The following SYT13 variants were observed in gnomAD, a reference collection of about 807,000 sequenced individuals.
The protein encoded by SYT13 is synaptotagmin-13.
A neutral mutation model predicts 38.6 loss-of-function variants in SYT13; 21 were observed. That is an observed-to-expected ratio of 0.54 (90% confidence interval 0.39 to 0.78). The LOEUF is 0.78. Among genes scored for constraint, SYT13 ranks in the 30% least tolerant of loss-of-function variants. The pLI is 0.00. For missense variants in SYT13, 495 were observed against 548.7 expected (o/e 0.90, Z 0.98); for synonymous variants, 241 against 237.6 (o/e 1.01, Z -0.13).
intron 1 of SYT13, among the ~76,000 whole-genome samples, chr11:45,276,241 A>T (rs949895729): frequency 2.5e-4 from 38 of 152,356 alleles, no homozygotes; most frequent in African/African-American, 8.9e-4. Context: ...ACCATGGAAT[A>T]CTATGTAGCC....
intron 4 of SYT13, among the ~76,000 whole-genome samples, chr11:45,248,882 C>T (rs1260418179): frequency 2.6e-5 from 4 of 152,218 alleles, no homozygotes; most frequent in African/African-American, 9.7e-5. Context: ...TCAACACCTG[C>T]TCCCTGGGCA....
At chr11:45,262,956 G>A (rs973679833) in intron 1 of SYT13, among the ~76,000 whole-genome samples, 7 of 152,030 alleles carry the variant, frequency 4.6e-5, no homozygotes, top group African/African-American at 7.2e-5. Context: ...GCCTTCAGTC[G>A]CCTTTTGGAA....
In SYT13 at chr11:45,246,531, T is replaced by G; in HGVS notation, c.847-19A>C. On this transcript the variant is annotated intron_variant, in intron 4 of 5. Coordinates refer to ENST00000020926, the MANE Select transcript of SYT13 (RefSeq NM_020826.3). The stretch of plus-strand genomic sequence containing the variant: ...ATGGCTCCTGAAACAGAAAAGGAGA[T>G]GCAGGAGGGGAGTCTCACCTGGGGA... 1 of 1,613,002 alleles carries G rather than the reference T, an allele frequency of 6.2e-7. No individual in the cohort carries two copies. The highest frequency in any genetic ancestry group is 8.5e-7 in the Non-Finnish European group (1 of 1,179,566).
intron 1 of SYT13, among the ~76,000 whole-genome samples, chr11:45,270,751 T>C (rs1291642451): frequency 6.6e-6 from 1 of 152,130 alleles, no homozygotes; most frequent in Non-Finnish European, 1.5e-5. Context: ...GAACCACTAA[T>C]CTAAGACATC....
intron 1 of SYT13, among the ~76,000 whole-genome samples, chr11:45,283,822 T>C (rs1274906097): frequency 6.6e-6 from 1 of 152,274 alleles, no homozygotes; most frequent in Non-Finnish European, 1.5e-5. Context: ...ACTTTATTCA[T>C]CTACAATTTC....
At chr11:45,268,579 CT>C (rs1854912381) in intron 1 of SYT13, among the ~76,000 whole-genome samples, 2 of 152,190 alleles carry the variant, frequency 1.3e-5, no homozygotes, top group African/African-American at 4.8e-5. Context: ...GGAGGCATTA[CT>C]GTCATCCCCA....
rs112115492 is a variant in SYT13, at chr11:45,249,854, A to G, written c.846+2567T>C. ...ATGGCACATGTGTACCTATGTAACA[A>G]ACCTACACGTTCTGCACATGTATCC... On this transcript the variant is annotated intron_variant, in intron 4 of 5. Coordinates refer to ENST00000020926, the MANE Select transcript of SYT13 (RefSeq NM_020826.3). Among the ~76,000 whole-genome samples, 1,364 of 152,278 alleles carry G rather than the reference A, an allele frequency of 9.0e-3. 19 individuals carry two copies. Among genetic ancestry groups the G allele is most frequent in the African/African-American group, 0.031 (1,288 of 41,568 alleles).
At position 45,255,981 on chromosome 11, in the gene SYT13, T is replaced by C. The variant is rs576521062; in HGVS notation, c.184-90A>G. ...AGGGAGAAACGGTGAACTGACCTGT[T>C]GTAGGATGCAGAGGGAGAGTTGTGG... On this transcript the variant is annotated intron_variant, in intron 1 of 5. Transcript: ENST00000020926. 150 of 1,341,680 alleles carry C rather than the reference T, an allele frequency of 1.1e-4. 1 individual carries two copies. The South Asian group carries it at 1.8e-3, about 16-fold the overall frequency. The allele number at this position is 1,341,680 out of a possible 1,614,324, so 83.1% of individuals were successfully genotyped here. A position where few individuals can be genotyped will look rare whatever the true frequency, so the allele number is the denominator to read the frequency against.
intron 1 of SYT13, among the ~76,000 whole-genome samples, chr11:45,273,264 G>C (rs1489160247): frequency 2.0e-5 from 3 of 152,212 alleles, no homozygotes; most frequent in Admixed American, 6.5e-5. Flanking sequence ...AAGGGAGACA[G>C]TGGCCTGACA....
At chr11:45,277,726 A>G (rs1855026542) in intron 1 of SYT13, among the ~76,000 whole-genome samples, 1 of 151,414 alleles carries the variant, frequency 6.6e-6, no homozygotes, top group Non-Finnish European at 1.5e-5. Context: ...ATCTTCTCCA[A>G]CTCTAGCTCG....
At chr11:45,263,159 G>T (rs994936551) in intron 1 of SYT13, among the ~76,000 whole-genome samples, 1 of 152,220 alleles carries the variant, frequency 6.6e-6, no homozygotes. Flanking sequence ...GGCACGGGGG[G>T]TGGAACCTGA....
intron 1 of SYT13, among the ~76,000 whole-genome samples, chr11:45,261,849 A>T (rs1323162334): frequency 1.3e-5 from 2 of 148,824 alleles, no homozygotes; most frequent in Non-Finnish European, 3.0e-5. Flanking sequence ...CCGGGAGGCG[A>T]AGGTTGCAGT....
chr11:45,272,552 T>G (rs1346845104), intron 1 of SYT13, among the ~76,000 whole-genome samples: 2 of 152,180 alleles, frequency 1.3e-5, no homozygotes, highest in Admixed American at 1.3e-4. Flanking sequence ...GTCAGTATCA[T>G]CCATAGATCT....
chr11:45,273,080 C>T (rs1332741221), intron 1 of SYT13, among the ~76,000 whole-genome samples: 1 of 152,142 alleles, frequency 6.6e-6, no homozygotes, highest in Non-Finnish European at 1.5e-5. Flanking sequence ...CACATTATAA[C>T]TGGGTAATTG....
intron 5 of SYT13, among the ~76,000 whole-genome samples, chr11:45,245,614 T>C (rs189636778): frequency 2.8e-4 from 42 of 152,366 alleles, no homozygotes; most frequent in Non-Finnish European, 2.8e-4. Context: ...GCTAGGCGCA[T>C]GTGGCTTCCA....
intron 1 of SYT13, among the ~76,000 whole-genome samples, chr11:45,274,766 CAA>C (rs1485637938): frequency 4.6e-5 from 7 of 152,300 alleles, no homozygotes; most frequent in African/African-American, 1.4e-4. Flanking sequence ...ATTTGAAAAG[CAA>C]AGTCTTTGCA....
At chr11:45,275,016 G>T (rs1565395192) in intron 1 of SYT13, among the ~76,000 whole-genome samples, 1 of 152,050 alleles carries the variant, frequency 6.6e-6, no homozygotes, top group Non-Finnish European at 1.5e-5. Flanking sequence ...TTGATTTCTT[G>T]ATATATCACT....
rs917662039 is a variant in SYT13, at chr11:45,255,589, A to G, written c.409+77T>C. 9.1e-6 allele frequency: 13 copies of G among 1,426,182 alleles called. No homozygotes were observed. In the Admixed American group the frequency reaches 9.9e-5, roughly 11 times the overall value. The allele number at this position is 1,426,182 out of a possible 1,614,324, so 88.3% of individuals were successfully genotyped here. A position where few individuals can be genotyped will look rare whatever the true frequency, so the allele number is the denominator to read the frequency against. On this transcript the variant is annotated intron_variant, in intron 2 of 5. Coordinates refer to ENST00000020926, the MANE Select transcript of SYT13 (RefSeq NM_020826.3). ...GCACTCGGCCTCCTCATCAGGCCAC[A>G]CACAGCATCTACAGAGACATTGACA...
At chr11:45,257,710 C>G (rs1024497907) in intron 1 of SYT13, among the ~76,000 whole-genome samples, 1 of 152,224 alleles carries the variant, frequency 6.6e-6, no homozygotes, top group Non-Finnish European at 1.5e-5. Context: ...CCAACCATTC[C>G]TGAAGGAGAC....
Sources: allele counts gnomAD v4.1 joint callset (sites outside exome capture counted in the v4.1 genomes callset), GRCh38; gene constraint gnomAD v4.1.1; transcripts MANE v1.5; gene names NCBI Gene and HGNC (gene_info 2026-07-23, HGNC 2026-07-21).